Variants in FBXL17 observed in about 807,000 individuals in gnomAD.
FBXL17 encodes F-box and leucine rich repeat protein 17.
Under a neutral mutation model 66.2 loss-of-function variants are expected in FBXL17, and 22 were observed. The observed-to-expected ratio is 0.33, with a 90% CI of 0.24 to 0.47. The LOEUF (loss-of-function observed/expected upper bound fraction) is 0.47, where lower values mean the gene tolerates loss of function less well. Ranked by LOEUF, FBXL17 falls within the 20% of genes least tolerant of loss-of-function variation. FBXL17 has a pLI of 1.00. For synonymous variants in FBXL17, 474 were observed against 400.5 expected (o/e 1.18, Z -2.19); for missense variants, 878 against 948.2 (o/e 0.93, Z 0.97).
intron 8 of FBXL17, chr5:107,878,512 C>T (rs1008122124): frequency 1.4e-5 from 11 of 796,348 alleles, no homozygotes; most frequent in Middle Eastern, 6.4e-4. Context: ...AGTAACTGCC[C>T]GCGGTGACAC....
At chr5:107,905,125 A>T (rs1357766151) in intron 7 of FBXL17, among the ~76,000 whole-genome samples, 1 of 152,122 alleles carries the variant, frequency 6.6e-6, no homozygotes, top group East Asian at 1.9e-4. Context: ...TAATGCTTCA[A>T]ATAGTAATTT....
intron 3 of FBXL17, among the ~76,000 whole-genome samples, chr5:108,356,086 CATTA>C (rs370287593): frequency 1.0e-3 from 154 of 152,180 alleles, no homozygotes; most frequent in African/African-American, 3.3e-3. Flanking sequence ...GAAGTAGCTA[CATTA>C]ATTTCAGACA....
intron 7 of FBXL17, among the ~76,000 whole-genome samples, chr5:107,954,224 T>A (rs1376068188): frequency 6.6e-6 from 1 of 151,576 alleles, no homozygotes; most frequent in Non-Finnish European, 1.5e-5. Flanking sequence ...AGAAAGAAAG[T>A]ATGAGAAAAG....
intron 7 of FBXL17, among the ~76,000 whole-genome samples, chr5:107,887,651 G>A (rs924748465): frequency 6.6e-6 from 1 of 152,168 alleles, no homozygotes; most frequent in Non-Finnish European, 1.5e-5. Context: ...ACAAAGAAAT[G>A]ACACTTTCAG....
intron 7 of FBXL17, among the ~76,000 whole-genome samples, chr5:107,892,932 A>G (rs1321946255): frequency 1.3e-5 from 2 of 152,206 alleles, no homozygotes; most frequent in African/African-American, 4.8e-5. Context: ...AATACAGCAA[A>G]TAATACATTT....
At chr5:108,359,969 T>C (rs1002009171) in intron 3 of FBXL17, among the ~76,000 whole-genome samples, 1 of 152,136 alleles carries the variant, frequency 6.6e-6, no homozygotes, top group Non-Finnish European at 1.5e-5. Flanking sequence ...TTTTAAGGAT[T>C]CTGTTGTTAG....
chr5:108,223,148 C>T (rs1038658263), intron 5 of FBXL17, among the ~76,000 whole-genome samples: 9 of 152,100 alleles, frequency 5.9e-5, no homozygotes, highest in African/African-American at 2.4e-5. Context: ...GCCCAGGGTC[C>T]TATTCACTGT....
chr5:108,313,610 A>T (rs896457644), intron 4 of FBXL17, among the ~76,000 whole-genome samples: 1 of 152,042 alleles, frequency 6.6e-6, no homozygotes, highest in Admixed American at 6.6e-5. Flanking sequence ...GGCTGGTACC[A>T]GGTTTAAAGA....
At chr5:108,008,721 G>T (rs1754030395) in intron 7 of FBXL17, among the ~76,000 whole-genome samples, 1 of 152,104 alleles carries the variant, frequency 6.6e-6, no homozygotes, top group Non-Finnish European at 1.5e-5. Context: ...TTGGTTGTGA[G>T]TTGCTCCCTA....
chr5:107,868,873 G>A (rs542101341), intron 8 of FBXL17, among the ~76,000 whole-genome samples: 25 of 151,532 alleles, frequency 1.6e-4, no homozygotes, highest in African/African-American at 5.9e-4. Flanking sequence ...GAGAAGAAAG[G>A]AAACCAGCTC....
intron 7 of FBXL17, among the ~76,000 whole-genome samples, chr5:107,947,503 A>C (rs1162502340): frequency 2.0e-5 from 3 of 152,218 alleles, no homozygotes; most frequent in African/African-American, 7.2e-5. Flanking sequence ...TGGAGTATCC[A>C]CTGTAAGCTC....
intron 6 of FBXL17, among the ~76,000 whole-genome samples, chr5:108,166,775 A>G (rs1752431838): frequency 1.3e-5 from 2 of 152,182 alleles, no homozygotes; most frequent in Non-Finnish European, 2.9e-5. Context: ...TTAAATATAA[A>G]CACTCAAAGT....
At chr5:108,109,223 C>A (rs1749936090) in intron 6 of FBXL17, among the ~76,000 whole-genome samples, 1 of 152,272 alleles carries the variant, frequency 6.6e-6, no homozygotes, top group Non-Finnish European at 1.5e-5. Flanking sequence ...AATATGGTAC[C>A]TTGGCATTTG....
intron 6 of FBXL17, among the ~76,000 whole-genome samples, chr5:108,066,338 G>A (rs1037307929): frequency 1.1e-4 from 16 of 152,034 alleles, no homozygotes; most frequent in East Asian, 1.9e-4. Context: ...TAAACTAAAC[G>A]CCCACATTAG....
chr5:108,153,764 A>T (rs1380301706), intron 6 of FBXL17, among the ~76,000 whole-genome samples: 3 of 152,162 alleles, frequency 2.0e-5, no homozygotes, highest in African/African-American at 7.2e-5. Flanking sequence ...CACAGGGTTC[A>T]ATCCATGAGA....
At chr5:107,879,416 G>T in intron 8 of FBXL17, 1 of 985,450 alleles carries the variant, frequency 1.0e-6, no homozygotes, top group Non-Finnish European at 1.2e-6. Flanking sequence ...AGCGGCATTA[G>T]GTTGGTTAGT....
chr5:108,185,002 A>ACTC (rs1753170611), intron 6 of FBXL17, among the ~76,000 whole-genome samples: 1 of 151,660 alleles, frequency 6.6e-6, no homozygotes, highest in East Asian at 1.9e-4. Flanking sequence ...TGCTAGCGCT[A>ACTC]CTCTGTTGTT....
intron 4 of FBXL17, among the ~76,000 whole-genome samples, chr5:108,307,136 T>C (rs992842518): frequency 1.3e-5 from 2 of 152,086 alleles, no homozygotes; most frequent in Admixed American, 1.3e-4. Flanking sequence ...TTTATGGTGA[T>C]GAATGTGAGT....
intron 6 of FBXL17, among the ~76,000 whole-genome samples, chr5:108,183,712 C>T (rs1561452014): frequency 6.6e-6 from 1 of 152,066 alleles, no homozygotes; most frequent in African/African-American, 2.4e-5. Flanking sequence ...TTATCCCTCG[C>T]CCCCTCCGAG....
Sources: allele counts gnomAD v4.1 joint callset (sites outside exome capture counted in the v4.1 genomes callset), GRCh38; gene constraint gnomAD v4.1.1; transcripts MANE v1.5; gene names NCBI Gene and HGNC (gene_info 2026-07-23, HGNC 2026-07-21).